LAMA3: variants seen among roughly 807,000 people sequenced by gnomAD.
LAMA3 encodes the protein laminin subunit alpha-3.
In LAMA3, 281 loss-of-function variants were observed where a neutral mutation model predicts 402.0. The observed-to-expected ratio is 0.70, with a 90% CI of 0.63 to 0.77. LAMA3 has a LOEUF of 0.77. Among genes scored for constraint, LAMA3 ranks in the 30% least tolerant of loss-of-function variants. The pLI is 0.00. For missense variants in LAMA3, 3,840 were observed against 4,215.5 expected, an observed-to-expected ratio of 0.91 and a Z score of 2.47; for synonymous variants, 1,431 against 1,558.4, an observed-to-expected ratio of 0.92 and a Z score of 1.93.
chr18:23,763,613 G>T (rs142611310), intron 8 of LAMA3, 90 bp downstream of exon 8: 1 of 853,896 alleles, frequency 1.2e-6, no homozygotes, highest in Non-Finnish European at 2.0e-6. Flanking sequence ...CAAGAAAGTG[G>T]CAGGCAATCG....
At chr18:23,917,541 G>C (rs1433589975) in intron 60 of LAMA3, among the ~76,000 whole-genome samples, 1 of 151,966 alleles carries the variant, frequency 6.6e-6, no homozygotes, top group Non-Finnish European at 1.5e-5. Context: ...ATTATTTTTT[G>C]ACTTTTTCAT....
At chr18:23,845,425 T>G (rs565102822) in intron 30 of LAMA3, among the ~76,000 whole-genome samples, 1 of 152,348 alleles carries the variant, frequency 6.6e-6, no homozygotes, top group Non-Finnish European at 1.5e-5. Context: ...CTGTTTCCTG[T>G]GTGCCAGCAC....
intron 36 of LAMA3, among the ~76,000 whole-genome samples, chr18:23,865,413 A>G (rs1043524173): frequency 1.3e-5 from 2 of 152,254 alleles, no homozygotes; most frequent in East Asian, 3.8e-4. Flanking sequence ...CTGGGATTAC[A>G]GGCGTGAGCC....
chr18:23,949,692 C>T, intron 70 of LAMA3, 73 bp from the exon 71 acceptor site: 5 of 1,436,008 alleles, frequency 3.5e-6, no homozygotes, highest in South Asian at 2.3e-5. Context: ...AGCTGCAGTG[C>T]CCTTCGCCTT....
chr18:23,754,090 G>A (rs2061800231), intron 6 of LAMA3, among the ~76,000 whole-genome samples: 1 of 152,114 alleles, frequency 6.6e-6, no homozygotes, highest in South Asian at 2.1e-4. Context: ...ACCTCAGGCA[G>A]CCAATTGATT....
intron 11 of LAMA3, among the ~76,000 whole-genome samples, chr18:23,778,667 C>T (rs572261105): frequency 1.3e-4 from 20 of 152,212 alleles, no homozygotes; most frequent in Admixed American, 8.5e-4. Flanking sequence ...TGGGCACCAT[C>T]GGACTCATGC....
chr18:23,841,923 T>TA (rs377642564), intron 27 of LAMA3, among the ~76,000 whole-genome samples: 15 of 148,266 alleles, frequency 1.0e-4, no homozygotes, highest in South Asian at 2.1e-4. Flanking sequence ...CCTCGTCCCT[T>TA]AAAAAAAAAA....
intron 37 of LAMA3, among the ~76,000 whole-genome samples, chr18:23,869,139 AC>A (rs2064441059): frequency 6.6e-6 from 1 of 152,256 alleles, no homozygotes; most frequent in Non-Finnish European, 1.5e-5. Flanking sequence ...GAACTGGCAA[AC>A]AGGGAAAAAA....
chr18:23,701,455 G>A (rs1175712740), intron 1 of LAMA3, among the ~76,000 whole-genome samples: 1 of 152,206 alleles, frequency 6.6e-6, no homozygotes, highest in Admixed American at 6.5e-5. Flanking sequence ...CTTTCTAATA[G>A]CTGAATTTAG....
intron 12 of LAMA3, among the ~76,000 whole-genome samples, chr18:23,807,456 G>A (rs2062984045): frequency 7.3e-6 from 1 of 136,464 alleles, no homozygotes; most frequent in Non-Finnish European, 1.5e-5. Context: ...TATATTGTGT[G>A]AGTGTGTGTG....
At chr18:23,841,748 C>A (rs2063706584) in intron 27 of LAMA3, among the ~76,000 whole-genome samples, 1 of 152,034 alleles carries the variant, frequency 6.6e-6, no homozygotes, top group Admixed American at 6.6e-5. Context: ...CATAGGAAGA[C>A]CCTATCTCTA....
intron 24 of LAMA3, among the ~76,000 whole-genome samples, chr18:23,836,769 G>A (rs1180133312): frequency 6.6e-6 from 1 of 152,206 alleles, no homozygotes; most frequent in Non-Finnish European, 1.5e-5. Context: ...CTTTAGCCCT[G>A]AGAGGTACAA....
chr18:23,857,808 AGAT>A (rs1371626247), intron 32 of LAMA3, 33 bp from the exon 33 acceptor site: 4 of 1,614,060 alleles, frequency 2.5e-6, no homozygotes, highest in Non-Finnish European at 3.4e-6. Context: ...GTGTGTACAA[AGAT>A]GATGATTTTT....
chr18:23,923,394 A>G lies in LAMA3; in HGVS notation c.8177+1809A>G, dbSNP rs183622633. ...GGGTGACCTGGCCCAAGGAGTGGTT[A>G]TGCAGGTGAGCAACAGGGATCAGAT... On this transcript the variant is annotated intron_variant, in intron 62 of 74. Coordinates refer to ENST00000313654, the MANE Select transcript of LAMA3 (RefSeq NM_198129.4). 7.9e-3 allele frequency among the ~76,000 whole-genome samples: 1,200 copies of G among 152,346 alleles called. 14 individuals are homozygous for G. Among genetic ancestry groups the G allele is most frequent in the African/African-American group, 0.028 (1,146 of 41,574 alleles).
Position 23,914,715 on chromosome 18 carries a change from G to A in LAMA3, c.7499G>A (p.Arg2500Lys), listed in dbSNP as rs1415013931. The change falls in exon 58 of 75, where the codon AGG becomes AAG. Residue 2500 changes from arginine to lysine, a missense_variant. This residue lies in a region of LAMA3 where 891 missense variants were observed against 857.5 expected (regional missense o/e 1.04). Coordinates refer to ENST00000313654, the MANE Select transcript of LAMA3 (RefSeq NM_198129.4). The stretch of plus-strand genomic sequence containing the variant: ...TTAAACAGAATTTATCAGTTTGCAA[G>A]GCTTAATTACACCAAAGGAGCCACA... Reference protein sequence around the residue: ...VKFQRIYQFARLNYTKGATSS... With the variant: ...VKFQRIYQFAKLNYTKGATSS... 1.2e-6 allele frequency: 2 copies of A among 1,613,510 alleles called. No homozygotes were observed. Among genetic ancestry groups the A allele is most frequent in the South Asian group, 1.1e-5 (1 of 91,032 alleles).
intron 47 of LAMA3, chr18:23,899,681 GTTC>G (rs1476626976): frequency 2.3e-6 from 1 of 440,756 alleles, no homozygotes; most frequent in African/African-American, 2.0e-5. Flanking sequence ...AAAAAAAAAA[GTTC>G]TTCTAAAAGT....
chr18:23,712,813 C>T (rs2061021364), intron 1 of LAMA3, among the ~76,000 whole-genome samples: 1 of 151,500 alleles, frequency 6.6e-6, no homozygotes, highest in Non-Finnish European at 1.5e-5. Flanking sequence ...TGTCACAGCA[C>T]ATTCCTTGGG....
intron 29 of LAMA3, among the ~76,000 whole-genome samples, chr18:23,844,641 T>C (rs73967610): frequency 0.024 from 3,614 of 152,310 alleles, 144 homozygotes; most frequent in African/African-American, 0.083. Context: ...CCTGATTCAT[T>C]TGGTCTTGGT....
chr18:23,815,131 G>C, intron 15 of LAMA3, 57 bp from the exon 16 acceptor site: 1 of 1,491,746 alleles, frequency 6.7e-7, no homozygotes, highest in South Asian at 1.1e-5. Context: ...TGTTCCCAGA[G>C]CCAGGAACTG....
Sources: allele counts gnomAD v4.1 joint callset (sites outside exome capture counted in the v4.1 genomes callset), GRCh38; gene constraint gnomAD v4.1.1; regional missense constraint gnomAD v4.1.1; transcripts MANE v1.5; gene names NCBI Gene and HGNC (gene_info 2026-07-23, HGNC 2026-07-21).